GABRG3: variants seen among roughly 807,000 people sequenced by gnomAD.
The protein encoded by GABRG3 is gamma-aminobutyric acid type A receptor subunit gamma3.
Under a neutral mutation model 48.8 loss-of-function variants are expected in GABRG3, and 25 were observed. That is an observed-to-expected ratio of 0.51 (90% CI 0.37 to 0.72). GABRG3 has a LOEUF of 0.72. Among genes scored for constraint, GABRG3 ranks in the 30% least tolerant of loss-of-function variants. The pLI is 0.00. For synonymous variants in GABRG3, 227 were observed against 217.6 expected (o/e 1.04, Z -0.38); for missense variants, 394 against 577.9 (o/e 0.68, Z 3.26).
intron 5 of GABRG3, among the ~76,000 whole-genome samples, chr15:27,342,631 A>C (rs1894223568): frequency 1.3e-5 from 2 of 152,372 alleles, no homozygotes; most frequent in South Asian, 4.1e-4. Context: ...TGCCTCTTTC[A>C]AGGGGAGAAG....
At chr15:27,317,132 G>A (rs752746475) in intron 3 of GABRG3, among the ~76,000 whole-genome samples, 7 of 152,228 alleles carry the variant, frequency 4.6e-5, no homozygotes, top group Middle Eastern at 3.4e-3. Flanking sequence ...CTCTCCTTGT[G>A]TATTTCCACC....
chr15:27,207,607 C>T (rs139467734), intron 3 of GABRG3, among the ~76,000 whole-genome samples: 121 of 152,268 alleles, frequency 7.9e-4, no homozygotes, highest in African/African-American at 1.1e-3. Context: ...CCTTATGATG[C>T]GACAGCAATA....
At position 27,026,821 on chromosome 15, in the gene GABRG3, G is replaced by A. The variant is rs1895992007; in HGVS notation, c.270G>A (p.Met90Ile). The A allele has an allele frequency of 6.3e-7, 1 of 1,596,994 alleles. No homozygotes were observed. The highest frequency in any genetic ancestry group is 8.5e-7 in the Non-Finnish European group (1 of 1,172,410). The change falls in exon 3 of 10, where the codon ATG becomes ATA. Residue 90 changes from methionine (M) to isoleucine (I), a missense_variant and splice_region_variant. This residue lies in a region of GABRG3 where 218 missense variants were observed against 309.9 expected (regional missense o/e 0.70). Coordinates refer to ENST00000615808, the MANE Select transcript of GABRG3 (RefSeq NM_033223.5). ...TTGGTCCTGTGTCATCAATAAACAT[G>A]GTAAGAAGCTCCTTTATTTTCTGAT... Reference protein sequence around the residue: ...NSIGPVSSINMEYQIDIFFAQ... With the variant: ...NSIGPVSSINIEYQIDIFFAQ...
At chr15:27,118,952 G>A (rs1471885202) in intron 3 of GABRG3, among the ~76,000 whole-genome samples, 1 of 152,152 alleles carries the variant, frequency 6.6e-6, no homozygotes, top group East Asian at 1.9e-4. Flanking sequence ...CGTGGCCTTT[G>A]AGGGAACAAC....
intron 3 of GABRG3, among the ~76,000 whole-genome samples, chr15:27,031,093 A>AG (rs1896079427): frequency 8.0e-6 from 1 of 125,662 alleles, no homozygotes; most frequent in Non-Finnish European, 1.7e-5. Flanking sequence ...CACACATACA[A>AG]CACATAACAC....
chr15:27,512,975 A>G (rs1315533774), intron 6 of GABRG3, among the ~76,000 whole-genome samples: 2 of 152,198 alleles, frequency 1.3e-5, no homozygotes, highest in East Asian at 3.9e-4. Flanking sequence ...TATATTAAGA[A>G]CATTCCAAAC....
chr15:27,399,545 A>C (rs1162995242), intron 5 of GABRG3, among the ~76,000 whole-genome samples: 2 of 152,340 alleles, frequency 1.3e-5, no homozygotes, highest in East Asian at 1.9e-4. Context: ...CAATTAATAT[A>C]TCAAAAGGCA....
chr15:27,502,964 A>G (rs1378409543), intron 6 of GABRG3, among the ~76,000 whole-genome samples: 3 of 151,910 alleles, frequency 2.0e-5, no homozygotes, highest in Admixed American at 2.0e-4. Flanking sequence ...AGTGCTCAGA[A>G]CTCTGTCCTT....
chr15:27,218,807 G>A (rs555964910), intron 3 of GABRG3, among the ~76,000 whole-genome samples: 1 of 152,284 alleles, frequency 6.6e-6, no homozygotes, highest in South Asian at 2.1e-4. Flanking sequence ...TGGTGACCGT[G>A]GCCAGGTCAC....
At chr15:27,079,036 C>T (rs1896952581) in intron 3 of GABRG3, among the ~76,000 whole-genome samples, 1 of 152,076 alleles carries the variant, frequency 6.6e-6, no homozygotes, top group Admixed American at 6.6e-5. Context: ...CATCTGTGGG[C>T]CAAGAAGTGC....
chr15:27,416,993 TAATAA>T (rs772280708), intron 5 of GABRG3, among the ~76,000 whole-genome samples: 3 of 152,214 alleles, frequency 2.0e-5, no homozygotes, highest in Non-Finnish European at 4.4e-5. Context: ...GGTGGCTGTT[TAATAA>T]AATAAAGTAA....
intron 3 of GABRG3, among the ~76,000 whole-genome samples, chr15:27,198,383 A>C (rs1034027279): frequency 6.6e-6 from 1 of 152,230 alleles, no homozygotes; most frequent in East Asian, 1.9e-4. Context: ...TGGCCAAAAA[A>C]CATATGAAAA....
At chr15:27,298,152 A>G (rs906476946) in intron 3 of GABRG3, among the ~76,000 whole-genome samples, 1 of 152,186 alleles carries the variant, frequency 6.6e-6, no homozygotes, top group East Asian at 1.9e-4. Flanking sequence ...TAAACAATCC[A>G]GTCAAAGGCA....
At chr15:27,147,000 G>A (rs1235173433) in intron 3 of GABRG3, among the ~76,000 whole-genome samples, 2 of 151,878 alleles carry the variant, frequency 1.3e-5, no homozygotes, top group African/African-American at 4.8e-5. Context: ...TTGGCAGAAC[G>A]GCTTTTAAAA....
chr15:27,179,941 A>G lies in GABRG3; in HGVS notation c.271-146868A>G, dbSNP rs1209027843. On this transcript the variant is annotated intron_variant, in intron 3 of 9. Coordinates refer to ENST00000615808, the MANE Select transcript of GABRG3 (RefSeq NM_033223.5). The surrounding 1 kb of genome is among the most constrained non-coding windows in gnomAD (Gnocchi z 4.0). ...TGATTCACAGTTCATCGCCTCCTAG[A>G]TGAGGCTGGGCGTGGCTCTGAAGAG... Among the ~76,000 whole-genome samples, 1 of 152,122 alleles carries G rather than the reference A, an allele frequency of 6.6e-6. No individual in the cohort carries two copies. The highest frequency in any genetic ancestry group is 2.4e-5 in the African/African-American group (1 of 41,414).
chr15:27,346,086 G>A lies in GABRG3; in HGVS notation c.574+17198G>A, dbSNP rs796992551. On this transcript the variant is annotated intron_variant, in intron 5 of 9. Transcript: ENST00000615808. ...AAAAAAGAGAGAGAAAGAAGAGAGA[G>A]AAAGAAAGAAAGGAAAGAAAGAGAA... Among the ~76,000 whole-genome samples, 73 of 129,888 alleles carry A rather than the reference G, an allele frequency of 5.6e-4. 2 individuals carry two copies. Among genetic ancestry groups the A allele is most frequent in the African/African-American group, 1.7e-3 (59 of 34,408 alleles). 85.2% of individuals were successfully genotyped at this position (129,888 alleles called of 152,430 possible).
At chr15:27,426,499 A>G (rs1057354381) in intron 5 of GABRG3, among the ~76,000 whole-genome samples, 24 of 152,110 alleles carry the variant, frequency 1.6e-4, no homozygotes, top group Non-Finnish European at 2.9e-5. Context: ...GCCAAATTAT[A>G]AAAATGACAG....
At chr15:27,321,769 T>C (rs1057458483) in intron 3 of GABRG3, among the ~76,000 whole-genome samples, 1 of 152,234 alleles carries the variant, frequency 6.6e-6, no homozygotes, top group Non-Finnish European at 1.5e-5. Context: ...TTTCATTTGG[T>C]CCTCTTCTTT....
chr15:27,342,548 C>A (rs561759654), intron 5 of GABRG3, among the ~76,000 whole-genome samples: 2 of 152,310 alleles, frequency 1.3e-5, no homozygotes, highest in East Asian at 3.9e-4. Context: ...TTCCCACAGA[C>A]CTTCCAGAGA....
Sources: gnomAD v4.1 joint callset for allele counts (sites outside exome capture counted in the v4.1 genomes callset) on GRCh38, gnomAD v4.1.1 for gene constraint, gnomAD v4.1.1 regional missense constraint, Gnocchi (gnomAD v3.1) non-coding constraint, MANE v1.5 for transcripts, NCBI Gene and HGNC (gene_info 2026-07-23, HGNC 2026-07-21) for gene names.